HSPA4: variants seen among roughly 807,000 people sequenced by gnomAD.
HSPA4 encodes heat shock protein family A (Hsp70) member 4, also known as heat shock 70 kDa protein 4.
A neutral mutation model predicts 106.2 loss-of-function variants in HSPA4; 25 were observed. The observed-to-expected ratio is 0.24, with a 90% CI of 0.17 to 0.33. The LOEUF (loss-of-function observed/expected upper bound fraction) is 0.33. Ranked by LOEUF, HSPA4 falls within the 10% of genes least tolerant of loss-of-function variation. The pLI is 1.00. For missense variants in HSPA4, 841 were observed against 996.0 expected (o/e 0.84, Z 2.10); for synonymous variants, 332 against 333.6 (o/e 1.00, Z 0.05).
At chr5:133,054,747 A>C (rs552509428) in intron 1 of HSPA4, among the ~76,000 whole-genome samples, 3 of 152,162 alleles carry the variant, frequency 2.0e-5, no homozygotes, top group African/African-American at 7.2e-5. Context: ...TTAAGCATTA[A>C]AGTTTGTTTT....
At chr5:133,086,469 T>G (rs1450667353) in intron 7 of HSPA4, among the ~76,000 whole-genome samples, 2 of 152,260 alleles carry the variant, frequency 1.3e-5, no homozygotes, top group Non-Finnish European at 2.9e-5. Context: ...CTGGGTTGTT[T>G]CAGCTGCTTG....
chr5:133,100,143 A>G (rs1765766362), intron 16 of HSPA4, among the ~76,000 whole-genome samples: 1 of 151,758 alleles, frequency 6.6e-6, no homozygotes, highest in Non-Finnish European at 1.5e-5. Context: ...GGCTCACTGC[A>G]ACCTCTGCCT....
At chr5:133,082,951 A>G (rs987396596) in intron 7 of HSPA4, among the ~76,000 whole-genome samples, 2 of 151,948 alleles carry the variant, frequency 1.3e-5, no homozygotes, top group African/African-American at 4.8e-5. Context: ...GCTGGCCAAT[A>G]TGGTGAAACC....
intron 1 of HSPA4, among the ~76,000 whole-genome samples, chr5:133,054,387 A>G (rs2126690234): frequency 6.6e-6 from 1 of 152,128 alleles, no homozygotes; most frequent in East Asian, 1.9e-4. Context: ...CTTTTTTAGT[A>G]GAGACAGGGT....
chr5:133,052,480 C>T (rs1765093760), intron 1 of HSPA4, 123 bp downstream of exon 1: 3 of 664,218 alleles, frequency 4.5e-6, no homozygotes, highest in Admixed American at 3.1e-5. Context: ...GCCGAGGTCC[C>T]GGTAGGTCAG....
intron 1 of HSPA4, among the ~76,000 whole-genome samples, chr5:133,059,448 AAAAAAAAAAAAAAAATTAGC>A (rs1765209139): frequency 1.4e-5 from 1 of 71,986 alleles, no homozygotes; most frequent in South Asian, 4.1e-4. Context: ...ACTTTGTCTC[AAAAAAAAAAAAAAAATTAGC>A]TAGGCATGGT....
In HSPA4 at chr5:133,091,236, C is replaced by T. The variant is rs373178842; in HGVS notation, c.1422C>T (p.Ser474=). 1.9e-5 allele frequency: 30 copies of T among 1,613,930 alleles called. No individual in the cohort carries two copies. Among genetic ancestry groups the T allele is most frequent in the Non-Finnish European group, 2.5e-5 (30 of 1,179,972 alleles). ...AAGTCACTCCTCAGTCTGATGGCTC[C>T]AGTTCAAAAGTGAAAGTCAAAGTTC... ...VQKVTPQSDG[S]SSKVKVKVRV... The change falls in exon 12 of 19, where the codon TCC becomes TCT. Residue 474 remains serine (S), a synonymous_variant. Transcript: ENST00000304858.
At chr5:133,073,133 C>A in intron 4 of HSPA4, 97 bp from the exon 5 acceptor site, 1 of 691,128 alleles carries the variant, frequency 1.4e-6, no homozygotes, top group African/African-American at 1.8e-5. Context: ...TGATCATATA[C>A]AGAATAAATT....
chr5:133,060,485 C>G (rs1203732661), intron 1 of HSPA4, among the ~76,000 whole-genome samples: 1 of 152,084 alleles, frequency 6.6e-6, no homozygotes, highest in African/African-American at 2.4e-5. Context: ...GCCTCAGCCC[C>G]CTGAGTAGCT....
intron 1 of HSPA4, among the ~76,000 whole-genome samples, chr5:133,060,816 C>CT (rs34721359): frequency 0.27 from 26,096 of 95,142 alleles, 4,623 homozygotes; most frequent in African/African-American, 0.43. Flanking sequence ...TGAAACAGGA[C>CT]TTTTTTTTTT....
chr5:133,072,201 T>A (rs533132987), intron 4 of HSPA4, among the ~76,000 whole-genome samples: 1 of 152,244 alleles, frequency 6.6e-6, no homozygotes, highest in Non-Finnish European at 1.5e-5. Flanking sequence ...GCTATTCTCA[T>A]GCTAAGATTT....
intron 17 of HSPA4, among the ~76,000 whole-genome samples, chr5:133,102,930 T>TTTTTTTTTTTA (rs1765806659): frequency 6.7e-6 from 1 of 149,874 alleles, no homozygotes; most frequent in African/African-American, 2.5e-5. Flanking sequence ...TTTTTTTTTT[T>TTTTTTTTTTTA]GAGATGGCAT....
intron 8 of HSPA4, among the ~76,000 whole-genome samples, chr5:133,087,878 C>T (rs1042060384): frequency 6.6e-6 from 1 of 152,220 alleles, no homozygotes; most frequent in African/African-American, 2.4e-5. Flanking sequence ...CCCACTTCGG[C>T]CTCCTAAAGT....
chr5:133,084,913 T>A (rs888578122), intron 7 of HSPA4, among the ~76,000 whole-genome samples: 1 of 152,098 alleles, frequency 6.6e-6, no homozygotes, highest in Non-Finnish European at 1.5e-5. Flanking sequence ...GCCCAGGTGA[T>A]CCTCCTGCCT....
intron 11 of HSPA4, among the ~76,000 whole-genome samples, chr5:133,090,350 G>A (rs768127377): frequency 3.6e-5 from 5 of 140,530 alleles, no homozygotes; most frequent in Non-Finnish European, 7.5e-5. Flanking sequence ...AGACTGGCGT[G>A]AACTCGGTAG....
intron 13 of HSPA4, among the ~76,000 whole-genome samples, chr5:133,094,252 A>G (rs1254466197): frequency 6.6e-6 from 1 of 152,196 alleles, no homozygotes; most frequent in African/African-American, 2.4e-5. Context: ...CATTGAAAAT[A>G]TCTTTTATTT....
rs1765662599 is a variant in HSPA4, at chr5:133,092,806, G to GTTTTTTTTGTT, written c.1650+25_1650+26insGTTTTTTTTTT. The GTTTTTTTTGTT allele has an allele frequency of 8.4e-5, 40 of 474,028 alleles. 1 individual carries two copies. In the African/African-American group the frequency reaches 1.3e-3, roughly 16 times the overall value. The allele number at this position is 474,028 out of a possible 1,614,324, so 29.4% of individuals were successfully genotyped here. On this transcript the variant is annotated intron_variant, in intron 13 of 18. Transcript: ENST00000304858. ...GAAATGGAGGTATGCATTGGGTGGT[G>GTTTTTTTTGTT]TTTTTTTTTTTTTTTTTTTTTTTTT...
At chr5:133,074,491 T>C (rs937995333) in intron 6 of HSPA4, among the ~76,000 whole-genome samples, 1 of 152,202 alleles carries the variant, frequency 6.6e-6, no homozygotes, top group Admixed American at 6.5e-5. Context: ...TTGGTCAGGC[T>C]GGTCTCGAAC....
In HSPA4 at chr5:133,104,046, T is replaced by A. The variant is rs115864103; in HGVS notation, c.2319+20T>A. 7.9e-4 allele frequency: 1,249 copies of A among 1,589,256 alleles called. 11 individuals are homozygous for A. The African/African-American group carries it at 0.015, about 19-fold the overall frequency. ...ATTAAGGTAATTTAAGACTTTTTTT[T>A]AATAGTCTTTTCTTGACAGCCTTAT... On this transcript the variant is annotated intron_variant, in intron 18 of 18. Coordinates refer to ENST00000304858, the MANE Select transcript of HSPA4 (RefSeq NM_002154.4).
Sources: allele counts gnomAD v4.1 joint callset (sites outside exome capture counted in the v4.1 genomes callset), GRCh38; gene constraint gnomAD v4.1.1; transcripts MANE v1.5; gene names NCBI Gene and HGNC (gene_info 2026-07-23, HGNC 2026-07-21).